Variants in NIPBL observed in about 807,000 individuals in gnomAD.
The protein encoded by NIPBL is NIPBL cohesin loading factor.
Under a neutral mutation model 321.8 loss-of-function variants are expected in NIPBL, and 19 were observed. The observed-to-expected ratio is 0.06, with a 90% CI of 0.04 to 0.09. The LOEUF (loss-of-function observed/expected upper bound fraction) is 0.09, where lower values mean the gene tolerates loss of function less well. NIPBL is among the 10% of genes least tolerant of loss of function. The pLI is 1.00. For missense variants in NIPBL, 2,210 were observed against 3,327.0 expected (o/e 0.66, Z 8.26); for synonymous variants, 1,106 against 1,114.1 (o/e 0.99, Z 0.14).
At position 36,894,804 on chromosome 5, in the gene NIPBL, T is replaced by G. The variant is rs112911407; in HGVS notation, c.-80+17626T>G. On this transcript the variant is annotated intron_variant, in intron 1 of 46. Transcript: ENST00000282516. Reference sequence around the variant, plus strand: ...AATTATATGTTAGCTTGTCACATTTTCTTACTGTATATCAAGCTAAAGTTT... The same window carrying G: ...AATTATATGTTAGCTTGTCACATTTGCTTACTGTATATCAAGCTAAAGTTT... Among the ~76,000 whole-genome samples the G allele has an allele frequency of 2.5e-3, 376 of 152,366 alleles. 1 individual carries two copies. Among genetic ancestry groups the G allele is most frequent in the African/African-American group, 8.7e-3 (362 of 41,584 alleles).
chr5:36,905,668 TTAGG>T (rs929514009), intron 1 of NIPBL, among the ~76,000 whole-genome samples: 8 of 152,146 alleles, frequency 5.3e-5, no homozygotes, highest in African/African-American at 1.4e-4. Context: ...CAGTGAGATG[TTAGG>T]TAGGCGCAAT....
At chr5:36,972,278 G>A (rs903570344) in intron 8 of NIPBL, among the ~76,000 whole-genome samples, 1 of 152,040 alleles carries the variant, frequency 6.6e-6, no homozygotes, top group African/African-American at 2.4e-5. Context: ...GATACATCCA[G>A]TATCCATTCT....
chr5:36,928,045 A>G (rs1308790675), intron 1 of NIPBL, among the ~76,000 whole-genome samples: 1 of 152,114 alleles, frequency 6.6e-6, no homozygotes, highest in Non-Finnish European at 1.5e-5. Context: ...CTCGATGCAC[A>G]AAAAGAGCAG....
At chr5:37,013,200 C>T (rs1350129473) in intron 21 of NIPBL, among the ~76,000 whole-genome samples, 5 of 148,770 alleles carry the variant, frequency 3.4e-5, no homozygotes, top group East Asian at 2.1e-4. Context: ...CCGGACGGGG[C>T]GGCTGGCCGG....
chr5:36,976,393 C>A lies in NIPBL; in HGVS notation c.1486C>A (p.Gln496Lys). 1.2e-6 allele frequency: 2 copies of A among 1,605,610 alleles called. No homozygotes were observed. The highest frequency in any genetic ancestry group is 1.1e-5 in the South Asian group (1 of 91,024). Residue 496 changes from glutamine (Q) to lysine (K), a missense_variant, in exon 9 of 47, where the codon CAA (glutamine) becomes AAA (lysine). Around this residue, in one of 14 missense-constraint regions of NIPBL, gnomAD observed 464 missense variants for 529.5 expected, o/e 0.88. Coordinates refer to ENST00000282516, the MANE Select transcript of NIPBL (RefSeq NM_133433.4). ...IERERFSKEV[Q>K]DKDKPLKKRK... Reference sequence around the variant, plus strand: ...AAGGGAGCGCTTCTCAAAAGAAGTTCAAGATAAAGGTAAAATAATCTCATT... The same window carrying A: ...AAGGGAGCGCTTCTCAAAAGAAGTTAAAGATAAAGGTAAAATAATCTCATT...
In NIPBL at chr5:37,004,856, G is replaced by A. The variant is rs116318646; in HGVS notation, c.3856-1501G>A. Among the ~76,000 whole-genome samples the A allele has an allele frequency of 8.1e-3, 1,239 of 152,124 alleles. 10 individuals carry two copies. The highest frequency in any genetic ancestry group is 0.028 in the African/African-American group (1,172 of 41,482). ...TGATATATATACTTCTCATGTATAC[G>A]TATGTAGTATATATATTTAATATAC... On this transcript the variant is annotated intron_variant, in intron 16 of 46. Transcript: ENST00000282516.
chr5:36,917,785 T>A (rs1206038145), intron 1 of NIPBL, among the ~76,000 whole-genome samples: 1 of 151,956 alleles, frequency 6.6e-6, no homozygotes, highest in Non-Finnish European at 1.5e-5. Flanking sequence ...TAGGGAATCC[T>A]TTCCCCATTT....
At chr5:37,039,820 A>G (rs1752129561) in intron 34 of NIPBL, among the ~76,000 whole-genome samples, 1 of 152,126 alleles carries the variant, frequency 6.6e-6, no homozygotes, top group Admixed American at 6.5e-5. Context: ...GTAAAGGATA[A>G]TAAATACCTA....
intron 1 of NIPBL, among the ~76,000 whole-genome samples, chr5:36,924,704 A>G (rs1240802347): frequency 3.9e-5 from 6 of 152,252 alleles, no homozygotes; most frequent in Non-Finnish European, 7.3e-5. Context: ...CATAGCTGAC[A>G]CTAACTGCTG....
intron 1 of NIPBL, among the ~76,000 whole-genome samples, chr5:36,891,250 C>T (rs915277673): frequency 2.0e-5 from 3 of 151,914 alleles, no homozygotes; most frequent in Non-Finnish European, 2.9e-5. Context: ...GGGCAAAGAG[C>T]GAGACTCCAT....
intron 1 of NIPBL, among the ~76,000 whole-genome samples, chr5:36,890,692 T>C (rs1746258420): frequency 6.6e-6 from 1 of 152,252 alleles, no homozygotes; most frequent in Non-Finnish European, 1.5e-5. Flanking sequence ...AACTGTAAAC[T>C]GAAGAGGTTC....
At chr5:36,897,792 A>G (rs767262225) in intron 1 of NIPBL, among the ~76,000 whole-genome samples, 2 of 152,064 alleles carry the variant, frequency 1.3e-5, no homozygotes, top group Non-Finnish European at 2.9e-5. Context: ...TAGGGATGCA[A>G]AATAAATTCT....
chr5:36,928,112 C>T (rs1434538275), intron 1 of NIPBL, among the ~76,000 whole-genome samples: 1 of 152,138 alleles, frequency 6.6e-6, no homozygotes, highest in East Asian at 1.9e-4. Context: ...GTCTTGAACA[C>T]GTAATTTCAT....
At chr5:37,040,822 A>G (rs1752255698) in intron 34 of NIPBL, among the ~76,000 whole-genome samples, 1 of 152,170 alleles carries the variant, frequency 6.6e-6, no homozygotes, top group Admixed American at 6.5e-5. Context: ...GGAAAGCTGT[A>G]TGTGACAATC....
At chr5:37,051,689 A>C (rs1300538771) in intron 40 of NIPBL, 90 bp from the exon 41 acceptor site, 8 of 823,428 alleles carry the variant, frequency 9.7e-6, no homozygotes, top group Non-Finnish European at 1.7e-5. Context: ...TTAAATTCAT[A>C]TATCTCAGAT....
At chr5:37,010,292 T>G in intron 21 of NIPBL, 67 bp downstream of exon 21, 1 of 1,301,252 alleles carries the variant, frequency 7.7e-7, no homozygotes, top group Admixed American at 1.8e-5. Context: ...TTCTCTGTCA[T>G]TCTTATAAAA....
intron 1 of NIPBL, among the ~76,000 whole-genome samples, chr5:36,917,537 T>G (rs1413165260): frequency 6.6e-6 from 1 of 152,200 alleles, no homozygotes; most frequent in African/African-American, 2.4e-5. Context: ...CTAAATGGCA[T>G]TACTCATCAT....
intron 11 of NIPBL, among the ~76,000 whole-genome samples, chr5:36,997,496 C>T (rs1214728236): frequency 6.6e-6 from 1 of 152,130 alleles, no homozygotes; most frequent in Non-Finnish European, 1.5e-5. Flanking sequence ...ATCATGAAAG[C>T]TATTGTCTCA....
At chr5:36,886,051 C>T (rs544556528) in intron 1 of NIPBL, 3 of 710,276 alleles carry the variant, frequency 4.2e-6, no homozygotes, top group Admixed American at 1.8e-5. Context: ...CAGTGGTCAC[C>T]ACTCAGTCCG....
Sources: allele counts gnomAD v4.1 joint callset (sites outside exome capture counted in the v4.1 genomes callset), GRCh38; gene constraint gnomAD v4.1.1; regional missense constraint gnomAD v4.1.1; transcripts MANE v1.5; gene names NCBI Gene and HGNC (gene_info 2026-07-23, HGNC 2026-07-21).